MAPK4: variants seen among roughly 807,000 people sequenced by gnomAD.
The protein encoded by MAPK4 is Erk3-related.
In MAPK4, 22 loss-of-function variants were observed where a neutral mutation model predicts 47.7. The observed-to-expected ratio is 0.46, with a 90% confidence interval of 0.33 to 0.66. The LOEUF (loss-of-function observed/expected upper bound fraction) is 0.66, where lower values mean the gene tolerates loss of function less well. Among genes scored for constraint, MAPK4 ranks in the 30% least tolerant of loss-of-function variants. The pLI is 0.02. For synonymous variants in MAPK4, 390 were observed against 365.7 expected (o/e 1.07, Z -0.76); for missense variants, 736 against 831.7 (o/e 0.88, Z 1.42).
At chr18:50,623,297 G>T (rs528313376) in intron 1 of MAPK4, among the ~76,000 whole-genome samples, 1 of 152,304 alleles carries the variant, frequency 6.6e-6, no homozygotes, top group East Asian at 1.9e-4. Context: ...TCAAGCTCCT[G>T]CGAGCCAGCG....
At chr18:50,607,745 A>C (rs562249303) in intron 1 of MAPK4, among the ~76,000 whole-genome samples, 2 of 152,308 alleles carry the variant, frequency 1.3e-5, no homozygotes, top group South Asian at 4.1e-4. Flanking sequence ...AGCCATGTTC[A>C]TGTCTTTTTT....
chr18:50,610,649 G>A (rs1323552552), intron 1 of MAPK4, among the ~76,000 whole-genome samples: 2 of 152,212 alleles, frequency 1.3e-5, no homozygotes, highest in African/African-American at 2.4e-5. Flanking sequence ...AGAAGGGATC[G>A]TTCAGGGCTG....
intron 1 of MAPK4, among the ~76,000 whole-genome samples, chr18:50,598,009 C>A (rs530039412): frequency 1.3e-5 from 2 of 152,294 alleles, no homozygotes; most frequent in South Asian, 4.1e-4. Flanking sequence ...AATGAAACAA[C>A]TTTTTTAGTC....
intron 1 of MAPK4, among the ~76,000 whole-genome samples, chr18:50,608,815 G>A (rs2042605966): frequency 6.6e-6 from 1 of 152,128 alleles, no homozygotes; most frequent in Non-Finnish European, 1.5e-5. Context: ...GGGAAGGTCA[G>A]CAGATAAACA....
At chr18:50,570,661 C>T (rs998488317) in intron 1 of MAPK4, among the ~76,000 whole-genome samples, 2 of 152,144 alleles carry the variant, frequency 1.3e-5, no homozygotes, top group African/African-American at 4.8e-5. Context: ...GATGACTCTG[C>T]TTGATGCTAA....
intron 1 of MAPK4, among the ~76,000 whole-genome samples, chr18:50,661,976 T>G (rs3867261): frequency 0.024 from 3,627 of 152,344 alleles, 133 homozygotes; most frequent in African/African-American, 0.083. Context: ...TCATTAGAAG[T>G]CTTTACAGGC....
chr18:50,621,423 T>C (rs1025687), intron 1 of MAPK4, among the ~76,000 whole-genome samples: 93,458 of 152,002 alleles, frequency 0.61, 28,979 homozygotes, highest in Admixed American at 0.66. Flanking sequence ...AAACCTTAAA[T>C]ACAAGGGAGA....
At chr18:50,607,008 C>A (rs542295718) in intron 1 of MAPK4, among the ~76,000 whole-genome samples, 1 of 152,332 alleles carries the variant, frequency 6.6e-6, no homozygotes, top group East Asian at 1.9e-4. Flanking sequence ...AAGAAATAAA[C>A]CTGGCAGTGT....
In MAPK4 at chr18:50,715,099, G is replaced by T; in HGVS notation, c.567G>T (p.Leu189Phe). ...TTCAGGGTTATCTGTCAGAAGGGTT[G>T]GTAACAAAGTGGTACCGTTCCCCAC... is the stretch of plus-strand genomic sequence containing the variant. ...YSHKGYLSEG[L>F]VTKWYRSPRL... The change falls in exon 3 of 6, where the codon TTG (leucine) becomes TTT (phenylalanine). Residue 189 changes from leucine (L) to phenylalanine (F), a missense_variant. By Grantham distance (22) the Leu-to-Phe change is conservative. This residue lies in a region of MAPK4 where 327 missense variants were observed against 395.4 expected (regional missense o/e 0.83). Coordinates refer to ENST00000400384, the MANE Select transcript of MAPK4 (RefSeq NM_002747.4). 6.2e-7 allele frequency: 1 copy of T among 1,614,008 alleles called. No individual in the cohort carries two copies. The highest frequency in any genetic ancestry group is 1.3e-5 in the African/African-American group (1 of 75,018).
intron 2 of MAPK4, among the ~76,000 whole-genome samples, chr18:50,687,300 C>T (rs1264394814): frequency 6.6e-6 from 1 of 152,082 alleles, no homozygotes; most frequent in African/African-American, 2.4e-5. Context: ...GTTGGGATTA[C>T]AGGCGTGAGC....
At position 50,678,513 on chromosome 18, in the gene MAPK4, G is replaced by A. The variant is rs9945652; in HGVS notation, c.546+14009G>A. 0.027 allele frequency among the ~76,000 whole-genome samples: 4,142 copies of A among 152,210 alleles called. 101 individuals are homozygous for A. Among genetic ancestry groups the A allele is most frequent in the African/African-American group, 0.062 (2,584 of 41,528 alleles). On this transcript the variant is annotated intron_variant, in intron 2 of 5. Coordinates refer to ENST00000400384, the MANE Select transcript of MAPK4 (RefSeq NM_002747.4). This position sits in a 1 kb window ranked among gnomAD's most constrained non-coding sequence, Gnocchi z 4.2. ...CTCCACCCTGTACAGACTGGAGAGCGGGCCCTGTCTTCCCAGAGGTGTTCA... is the reference window on the plus strand; with the variant it reads ...CTCCACCCTGTACAGACTGGAGAGCAGGCCCTGTCTTCCCAGAGGTGTTCA...
At chr18:50,617,998 G>T (rs1312175610) in intron 1 of MAPK4, among the ~76,000 whole-genome samples, 1 of 152,216 alleles carries the variant, frequency 6.6e-6, no homozygotes, top group African/African-American at 2.4e-5. Context: ...TCTTTTGGAG[G>T]AGAGCTCCAA....
chr18:50,654,987 C>A (rs1384858017), intron 1 of MAPK4, among the ~76,000 whole-genome samples: 1 of 152,240 alleles, frequency 6.6e-6, no homozygotes, highest in Non-Finnish European at 1.5e-5. Flanking sequence ...CCCCACCCAG[C>A]ATCTGATGTT....
At chr18:50,696,586 G>A (rs764691368) in intron 2 of MAPK4, among the ~76,000 whole-genome samples, 3 of 152,236 alleles carry the variant, frequency 2.0e-5, no homozygotes, top group Admixed American at 6.5e-5. Flanking sequence ...CACTCACCCT[G>A]AACGCAAACC....
At chr18:50,658,864 G>A (rs1185118502) in intron 1 of MAPK4, among the ~76,000 whole-genome samples, 1 of 152,192 alleles carries the variant, frequency 6.6e-6, no homozygotes, top group Non-Finnish European at 1.5e-5. Flanking sequence ...TGCAGGAGGA[G>A]CCAGAAAAGG....
In MAPK4 at chr18:50,637,146, A is replaced by C. The variant is rs1201636597; in HGVS notation, c.-870-25943A>C. On this transcript the variant is annotated intron_variant, in intron 1 of 5. Coordinates refer to ENST00000400384, the MANE Select transcript of MAPK4 (RefSeq NM_002747.4). ...GGTCTCACTTCACTGACTTTGCAAA[A>C]TGAGAAGTTTGGACCAGATTATTGA... Among the ~76,000 whole-genome samples, 6 of 152,226 alleles carry C rather than the reference A, an allele frequency of 3.9e-5. No homozygotes were observed. In the South Asian group the frequency reaches 8.3e-4, roughly 21 times the overall value.
At chr18:50,666,383 C>T (rs1052467451) in intron 2 of MAPK4, among the ~76,000 whole-genome samples, 2 of 152,184 alleles carry the variant, frequency 1.3e-5, no homozygotes, top group South Asian at 2.1e-4. Context: ...TCTGTCTGCT[C>T]CTCTGGCTTA....
At chr18:50,646,329 G>A (rs773320491) in intron 1 of MAPK4, among the ~76,000 whole-genome samples, 8 of 152,160 alleles carry the variant, frequency 5.3e-5, no homozygotes, top group Non-Finnish European at 8.8e-5. Context: ...AGTCACATAG[G>A]CATCTTTACT....
intron 1 of MAPK4, among the ~76,000 whole-genome samples, chr18:50,618,198 G>A (rs1568047362): frequency 6.6e-6 from 1 of 152,078 alleles, no homozygotes; most frequent in Non-Finnish European, 1.5e-5. Context: ...AACCTACTGA[G>A]CTCTCCCATC....
Sources: gnomAD v4.1 joint callset for allele counts (sites outside exome capture counted in the v4.1 genomes callset) on GRCh38, gnomAD v4.1.1 for gene constraint, gnomAD v4.1.1 regional missense constraint, Gnocchi (gnomAD v3.1) non-coding constraint, MANE v1.5 for transcripts, NCBI Gene and HGNC (gene_info 2026-07-23, HGNC 2026-07-21) for gene names.